CYP39A1: variants seen among roughly 807,000 people sequenced by gnomAD.
CYP39A1 encodes 24-hydroxycholesterol 7-alpha-hydroxylase.
A neutral mutation model predicts 58.1 loss-of-function variants in CYP39A1; 49 were observed. That is an observed-to-expected ratio of 0.84 (90% CI 0.67 to 1.07). The LOEUF is 1.07. CYP39A1 is among the 50% of genes least tolerant of loss of function. The pLI is 0.00. For missense variants in CYP39A1, 531 were observed against 539.4 expected (o/e 0.98, Z 0.16); for synonymous variants, 209 against 187.6 (o/e 1.11, Z -0.93).
chr6:46,557,556 T>G (rs1192244137), intron 10 of CYP39A1, among the ~76,000 whole-genome samples: 1 of 150,042 alleles, frequency 6.7e-6, no homozygotes, highest in Non-Finnish European at 1.5e-5. Flanking sequence ...GGCAAGAGAA[T>G]AGCTTGAACC....
intron 10 of CYP39A1, among the ~76,000 whole-genome samples, chr6:46,558,730 G>T (rs1041286425): frequency 6.6e-6 from 1 of 152,168 alleles, no homozygotes; most frequent in African/African-American, 2.4e-5. Flanking sequence ...GGGCACGGTG[G>T]CTCATGCCTA....
At chr6:46,596,962 T>C (rs978716613) in intron 7 of CYP39A1, among the ~76,000 whole-genome samples, 1 of 152,154 alleles carries the variant, frequency 6.6e-6, no homozygotes, top group Non-Finnish European at 1.5e-5. Flanking sequence ...GTCAACGCAT[T>C]TCTCTTTTTC....
At chr6:46,583,010 T>A in intron 10 of CYP39A1, 1 of 953,642 alleles carries the variant, frequency 1.0e-6, no homozygotes, top group Non-Finnish European at 1.2e-6. Context: ...AATTTTCCAA[T>A]AGATGTGAGA....
At chr6:46,571,998 T>C (rs73735787) in intron 10 of CYP39A1, among the ~76,000 whole-genome samples, 12,235 of 152,092 alleles carry the variant, frequency 0.08, 835 homozygotes, top group Admixed American at 0.18. Flanking sequence ...TGCATACCTA[T>C]CCAAGGGTGC....
intron 2 of CYP39A1, 35 bp downstream of exon 2, chr6:46,642,128 G>A (rs1776375114): frequency 1.2e-6 from 2 of 1,608,072 alleles, no homozygotes. Context: ...TTCCAATGTT[G>A]GATTTCGAAT....
chr6:46,631,365 T>C (rs1562008635), intron 5 of CYP39A1, among the ~76,000 whole-genome samples: 2 of 152,216 alleles, frequency 1.3e-5, no homozygotes, highest in Non-Finnish European at 2.9e-5. Context: ...TGTGTCCTCA[T>C]CCATAAAATG....
intron 10 of CYP39A1, among the ~76,000 whole-genome samples, chr6:46,575,727 G>A (rs879760861): frequency 3.3e-4 from 50 of 152,250 alleles, no homozygotes; most frequent in Middle Eastern, 3.4e-3. Flanking sequence ...AGCACAGCCC[G>A]TGCTTTAATC....
At chr6:46,632,450 G>T (rs529464947) in intron 5 of CYP39A1, among the ~76,000 whole-genome samples, 52 of 150,898 alleles carry the variant, frequency 3.4e-4, no homozygotes, top group Admixed American at 3.0e-3. Flanking sequence ...GACCTTCCCT[G>T]GCTCTATTTG....
chr6:46,574,667 CCTTT>C (rs1339747238), intron 10 of CYP39A1, among the ~76,000 whole-genome samples: 2 of 152,038 alleles, frequency 1.3e-5, no homozygotes, highest in Admixed American at 1.3e-4. Context: ...CCCTAAGTGG[CCTTT>C]CTTTCTCTCC....
intron 6 of CYP39A1, among the ~76,000 whole-genome samples, chr6:46,625,868 TAAG>T (rs1324536846): frequency 1.3e-5 from 2 of 152,092 alleles, no homozygotes; most frequent in Non-Finnish European, 2.9e-5. Context: ...TTATGACACT[TAAG>T]AATATTAATC....
At chr6:46,553,739 T>C (rs751838654) in intron 11 of CYP39A1, 28 bp downstream of exon 11, 2 of 1,463,674 alleles carry the variant, frequency 1.4e-6, no homozygotes, top group Non-Finnish European at 1.9e-6. Flanking sequence ...TAAGTAGTCA[T>C]GATACTCAAA....
At chr6:46,562,323 T>C (rs1771026321) in intron 10 of CYP39A1, among the ~76,000 whole-genome samples, 1 of 151,810 alleles carries the variant, frequency 6.6e-6, no homozygotes, top group African/African-American at 2.4e-5. Context: ...GTGTCCAGAC[T>C]AAGAGAGTAG....
chr6:46,598,788 T>A (rs969685679), intron 7 of CYP39A1, among the ~76,000 whole-genome samples: 12 of 152,142 alleles, frequency 7.9e-5, no homozygotes, highest in Non-Finnish European at 1.3e-4. Flanking sequence ...AAGTGCTTTG[T>A]CTAGACAATG....
intron 7 of CYP39A1, among the ~76,000 whole-genome samples, chr6:46,601,660 G>A (rs754050159): frequency 3.5e-5 from 5 of 143,296 alleles, no homozygotes; most frequent in Non-Finnish European, 6.0e-5. Context: ...AAAATCTCAG[G>A]TTACCTATTA....
In CYP39A1 at chr6:46,636,405, G is replaced by T; in HGVS notation, c.716C>A (p.Ala239Glu). 1.2e-6 allele frequency: 2 copies of T among 1,601,950 alleles called. No individual in the cohort carries two copies. The highest frequency in any genetic ancestry group is 1.1e-5 in the South Asian group (1 of 89,134). Reference sequence around the variant, plus strand: ...AATACTTACCATGGAATTATCTTTTGCAGATTTACATGCTTTTATATCTGG... The same window carrying T: ...AATACTTACCATGGAATTATCTTTTTCAGATTTACATGCTTTTATATCTGG... Reference protein sequence around the residue: ...NIPDIKACKSAKDNSMTLLQA... With the variant: ...NIPDIKACKSEKDNSMTLLQA... Residue 239 changes from alanine to glutamate, a missense_variant, in exon 5 of 12, where the codon GCA (alanine) becomes GAA (glutamate). By Grantham distance (107) the Ala-to-Glu change is moderately radical (BLOSUM62 -1). Transcript: ENST00000275016.
chr6:46,610,017 C>T (rs916071554), intron 7 of CYP39A1, among the ~76,000 whole-genome samples: 2 of 152,108 alleles, frequency 1.3e-5, no homozygotes, highest in Admixed American at 6.5e-5. Flanking sequence ...TTTCACTCAC[C>T]GCTATCCCCG....
Position 46,596,043 on chromosome 6 carries a change from G to A in CYP39A1, c.1009C>T (p.Arg337Cys), listed in dbSNP as rs201855604. The stretch of plus-strand genomic sequence containing the variant: ...GTAATGACACCAGGAGCTTTTAAAC[G>A]AATGGTTTCCAAAACACACCATTTA... ...LIKWCVLETI[R>C]LKAPGVITRK... The change falls in exon 8 of 12, where the codon CGT becomes TGT. Residue 337 changes from arginine to cysteine, a missense_variant. By Grantham distance (180) the Arg-to-Cys change is radical. Transcript: ENST00000275016. 17 of 1,611,540 alleles carry A rather than the reference G, an allele frequency of 1.1e-5. No homozygotes were observed. The highest frequency in any genetic ancestry group is 1.7e-5 in the Admixed American group (1 of 59,790).
chr6:46,604,402 A>G (rs1193237105), intron 7 of CYP39A1, among the ~76,000 whole-genome samples: 1 of 152,174 alleles, frequency 6.6e-6, no homozygotes, highest in East Asian at 1.9e-4. Context: ...CTGCCAAACA[A>G]AAGGGCAATT....
chr6:46,605,230 G>A (rs1040779292), intron 7 of CYP39A1, among the ~76,000 whole-genome samples: 4 of 152,148 alleles, frequency 2.6e-5, no homozygotes, highest in African/African-American at 9.7e-5. Context: ...ACCCCTGAAT[G>A]TCCATGGTGA....
Sources: allele counts gnomAD v4.1 joint callset (sites outside exome capture counted in the v4.1 genomes callset), GRCh38; gene constraint gnomAD v4.1.1; transcripts MANE v1.5; gene names NCBI Gene and HGNC (gene_info 2026-07-23, HGNC 2026-07-21).